CNNM2: variants seen among roughly 807,000 people sequenced by gnomAD.
CNNM2 encodes the protein metal transporter CNNM2.
CNNM2 carries 12 observed loss-of-function variants against 66.9 expected under a neutral mutation model. That is an observed-to-expected ratio of 0.18 (90% CI 0.11 to 0.29). The LOEUF (loss-of-function observed/expected upper bound fraction) is 0.29. Among genes scored for constraint, CNNM2 ranks in the 10% least tolerant of loss-of-function variants. CNNM2 has a pLI of 1.00. For missense variants in CNNM2, 705 were observed against 1,167.7 expected (o/e 0.60, Z 5.77); for synonymous variants, 557 against 501.8 (o/e 1.11, Z -1.47).
At chr10:103,041,168 C>T (rs1419353353) in intron 1 of CNNM2, among the ~76,000 whole-genome samples, 1 of 152,144 alleles carries the variant, frequency 6.6e-6, no homozygotes, top group Non-Finnish European at 1.5e-5. Flanking sequence ...ATTCCCCGTT[C>T]CTGTCTCCAG....
rs576832643 is a variant in CNNM2 at position 103,082,162 on chromosome 10, A to G, written c.*4982A>G. 6 of 152,248 alleles carry G rather than the reference A, an allele frequency of 3.9e-5. No homozygotes were observed. The highest frequency in any genetic ancestry group is 1.3e-4 in the Admixed American group (2 of 15,284). 9.4% of individuals were successfully genotyped at this position (152,248 alleles called of 1,614,324 possible). A position where few individuals can be genotyped will look rare whatever the true frequency, so the allele number is the denominator to read the frequency against. On this transcript the variant is annotated 3_prime_UTR_variant, in exon 8 of 8. Transcript: ENST00000369878. ...ACAAGGTTTTCAGGTTTTAATGCCC[A>G]TTGGGACCGTGAACAAATGAGAAGA...
intron 1 of CNNM2, among the ~76,000 whole-genome samples, chr10:103,044,608 A>G (rs2065098534): frequency 1.3e-5 from 2 of 152,184 alleles, no homozygotes; most frequent in South Asian, 2.1e-4. Flanking sequence ...GACAAGGACT[A>G]AAGTCCCTGC....
intron 1 of CNNM2, among the ~76,000 whole-genome samples, chr10:103,004,752 A>C (rs920220100): frequency 6.6e-6 from 1 of 152,196 alleles, no homozygotes; most frequent in Non-Finnish European, 1.5e-5. Context: ...GGTGTGTGTG[A>C]GTCTGTTTCG....
At chr10:103,076,047 A>G in intron 6 of CNNM2, 39 bp from the exon 7 acceptor site, 1 of 1,554,470 alleles carries the variant, frequency 6.4e-7, no homozygotes, top group Non-Finnish European at 8.8e-7. Flanking sequence ...GGCTGTATCT[A>G]CTTCACTTAA....
At position 102,918,538 on chromosome 10, in the gene CNNM2, G is replaced by C. The variant is rs1258927984; in HGVS notation, c.58G>C (p.Ala20Pro). The C allele has an allele frequency of 5.6e-6, 9 of 1,602,720 alleles. No individual in the cohort carries two copies. Among genetic ancestry groups the C allele is most frequent in the Non-Finnish European group, 7.6e-6 (9 of 1,176,992 alleles). The change falls in exon 1 of 8, where the codon GCC (alanine) becomes CCC (proline). Residue 20 changes from alanine to proline, a missense_variant. Around this residue, in one of 9 missense-constraint regions of CNNM2, gnomAD observed 98 missense variants for 73.6 expected, o/e 1.33. Coordinates refer to ENST00000369878, the MANE Select transcript of CNNM2 (RefSeq NM_017649.5). The surrounding 1 kb of genome is among the most constrained non-coding windows in gnomAD (Gnocchi z 4.1). ...AAAGATGGCGGGCGGGCAGGCAGCCGCCGCACTGCCCACTTGGAAGATGGC... is the reference window on the plus strand; with the variant it reads ...AAAGATGGCGGGCGGGCAGGCAGCCCCCGCACTGCCCACTTGGAAGATGGC... ...KVKMAGGQAA[A>P]ALPTWKMAAR...
intron 4 of CNNM2, among the ~76,000 whole-genome samples, chr10:103,059,763 CAT>C (rs2065353633): frequency 6.6e-6 from 1 of 151,924 alleles, no homozygotes; most frequent in African/African-American, 2.4e-5. Context: ...AAAAAAAAGT[CAT>C]AGTTTTAAAC....
chr10:102,945,878 T>C (rs1220335105), intron 1 of CNNM2, among the ~76,000 whole-genome samples: 1 of 152,146 alleles, frequency 6.6e-6, no homozygotes, highest in Non-Finnish European at 1.5e-5. Flanking sequence ...GAATTTTGTT[T>C]AGTTTGCCTT....
At chr10:102,929,269 A>G (rs1190039116) in intron 1 of CNNM2, among the ~76,000 whole-genome samples, 1 of 152,084 alleles carries the variant, frequency 6.6e-6, no homozygotes, top group African/African-American at 2.4e-5. Flanking sequence ...AAAACAAGAA[A>G]AAAAAGAGTG....
intron 1 of CNNM2, among the ~76,000 whole-genome samples, chr10:103,019,549 C>G (rs2064529594): frequency 6.6e-6 from 1 of 152,028 alleles, no homozygotes; most frequent in Non-Finnish European, 1.5e-5. Context: ...GGAGGTATTT[C>G]AGCCTTTGGG....
intron 2 of CNNM2, among the ~76,000 whole-genome samples, chr10:103,053,666 A>C (rs1488475661): frequency 3.3e-5 from 5 of 152,222 alleles, no homozygotes; most frequent in Non-Finnish European, 7.3e-5. Flanking sequence ...GACTATGTAG[A>C]CCCACATAGC....
At chr10:102,988,163 G>C (rs1215462864) in intron 1 of CNNM2, among the ~76,000 whole-genome samples, 1 of 152,066 alleles carries the variant, frequency 6.6e-6, no homozygotes, top group South Asian at 2.1e-4. Flanking sequence ...TTAGCCGGGA[G>C]TGGTGGTGGG....
chr10:103,008,787 A>AAC (rs1463974009), intron 1 of CNNM2, among the ~76,000 whole-genome samples: 14 of 151,628 alleles, frequency 9.2e-5, no homozygotes, highest in African/African-American at 2.9e-4. Flanking sequence ...TCAAAAAAAA[A>AAC]AAAAAAAAAA....
chr10:102,951,031 A>G (rs1273247502), intron 1 of CNNM2, among the ~76,000 whole-genome samples: 1 of 120,366 alleles, frequency 8.3e-6, no homozygotes, highest in East Asian at 2.5e-4. Context: ...TCTGTCACCC[A>G]GGCTTGAGTG....
intron 1 of CNNM2, among the ~76,000 whole-genome samples, chr10:103,007,659 C>A (rs1396573299): frequency 3.3e-5 from 5 of 152,172 alleles, no homozygotes; most frequent in African/African-American, 1.2e-4. Context: ...TTCTGCCTGA[C>A]CCCGCAGGCA....
At chr10:103,041,882 C>T (rs180862849) in intron 1 of CNNM2, among the ~76,000 whole-genome samples, 24 of 152,244 alleles carry the variant, frequency 1.6e-4, no homozygotes, top group African/African-American at 5.8e-4. Context: ...CCATGCTTAG[C>T]GCTGGCTCTT....
chr10:102,955,082 C>G (rs1846985601), intron 1 of CNNM2, among the ~76,000 whole-genome samples: 1 of 152,094 alleles, frequency 6.6e-6, no homozygotes. Context: ...CAGTCCTAAG[C>G]AAAAAGAACA....
intron 1 of CNNM2, among the ~76,000 whole-genome samples, chr10:103,008,401 T>A (rs1212320946): frequency 1.3e-5 from 2 of 152,242 alleles, no homozygotes; most frequent in Non-Finnish European, 2.9e-5. Flanking sequence ...TGTTGTATAC[T>A]TGAGAAGCCA....
chr10:103,070,164 C>A (rs948613553), intron 5 of CNNM2, among the ~76,000 whole-genome samples: 2 of 152,194 alleles, frequency 1.3e-5, no homozygotes, highest in African/African-American at 4.8e-5. Context: ...TGAACATGGG[C>A]CTGTCTGACC....
At chr10:102,993,463 G>T (rs2063932466) in intron 1 of CNNM2, among the ~76,000 whole-genome samples, 1 of 152,184 alleles carries the variant, frequency 6.6e-6, no homozygotes, top group Admixed American at 6.6e-5. Flanking sequence ...AAAAGTTTTG[G>T]ATTGCAGCAA....
Sources: allele counts gnomAD v4.1 joint callset (sites outside exome capture counted in the v4.1 genomes callset), GRCh38; gene constraint gnomAD v4.1.1; regional missense constraint gnomAD v4.1.1; non-coding constraint Gnocchi (gnomAD v3.1); transcripts MANE v1.5; gene names NCBI Gene and HGNC (gene_info 2026-07-23, HGNC 2026-07-21).